The following GLT1D1 variants were observed in gnomAD, a reference collection of about 807,000 sequenced individuals.
The protein encoded by GLT1D1 is glycosyltransferase 1 domain-containing protein 1.
A neutral mutation model predicts 28.7 loss-of-function variants in GLT1D1; 21 were observed. The ratio of observed to expected loss-of-function variants is 0.73; its 90% CI spans 0.52 to 1.05. The LOEUF is 1.05. GLT1D1 is among the 50% of genes least tolerant of loss of function. The pLI, the probability that GLT1D1 is intolerant of heterozygous loss-of-function variation, is 0.00. For synonymous variants in GLT1D1, 147 were observed against 124.8 expected (o/e 1.18, Z -1.19); for missense variants, 343 against 330.6 (o/e 1.04, Z -0.29).
chr12:128,914,803 G>A (rs1254008798), intron 4 of GLT1D1, 130 bp from the exon 6 acceptor site: 3 of 683,550 alleles, frequency 4.4e-6, no homozygotes, highest in Non-Finnish European at 4.9e-6. Flanking sequence ...CTGGGTGACA[G>A]AGCGAGACTC....
At chr12:128,917,331 T>C (rs1872202509) in intron 4 of GLT1D1, among the ~76,000 whole-genome samples, 1 of 152,172 alleles carries the variant, frequency 6.6e-6, no homozygotes. Flanking sequence ...AACTCATCAA[T>C]TTCTGTAAAA....
intron 2 of GLT1D1, among the ~76,000 whole-genome samples, chr12:128,888,387 A>C (rs962484540): frequency 2.0e-5 from 3 of 152,134 alleles, no homozygotes; most frequent in Non-Finnish European, 2.9e-5. Flanking sequence ...TTATTTGCTA[A>C]AGTTTAAAAT....
At position 128,862,405 on chromosome 12, in the gene GLT1D1, C is replaced by T. The variant is rs1956405112; in HGVS notation, c.68+8756C>T. Among the ~76,000 whole-genome samples, 4 of 151,614 alleles carry T rather than the reference C, an allele frequency of 2.6e-5. No homozygotes were observed. The South Asian group carries it at 8.3e-4, about 31-fold the overall frequency. The stretch of plus-strand genomic sequence containing the variant: ...GCGCTGTGGCTCACTCTTGTAATCC[C>T]AACACGTTGGGAGGCTGAGGCAGGC... On this transcript the variant is annotated intron_variant, in intron 1 of 7. Transcript: ENST00000281703.
intron 4 of GLT1D1, among the ~76,000 whole-genome samples, chr12:128,941,368 C>T (rs561249854): frequency 6.6e-6 from 1 of 152,252 alleles, no homozygotes; most frequent in South Asian, 2.1e-4. Context: ...CAAAATCCTT[C>T]TGCATCATTT....
intron 1 of GLT1D1, among the ~76,000 whole-genome samples, chr12:128,853,925 G>T (rs1956138915): frequency 6.6e-6 from 1 of 152,196 alleles, no homozygotes; most frequent in Non-Finnish European, 1.5e-5. Context: ...CCCGGAGCCT[G>T]TCGTGGAGGG....
chr12:128,978,751 C>T (rs545111565), intron 7 of GLT1D1, among the ~76,000 whole-genome samples: 4 of 152,156 alleles, frequency 2.6e-5, no homozygotes, highest in Admixed American at 6.5e-5. Flanking sequence ...GACAGAGCAC[C>T]GTGAGGGCCG....
chr12:128,889,547 A>G (rs939829772), intron 3 of GLT1D1, among the ~76,000 whole-genome samples: 2 of 152,106 alleles, frequency 1.3e-5, no homozygotes, highest in African/African-American at 4.8e-5. Context: ...CTATAATTCT[A>G]ATGCCCCCAG....
chr12:128,961,351 G>A (rs1367555855), intron 7 of GLT1D1, among the ~76,000 whole-genome samples: 2 of 152,170 alleles, frequency 1.3e-5, no homozygotes, highest in East Asian at 3.9e-4. Context: ...TCAGCATATG[G>A]ACCTGCACCC....
At chr12:128,925,029 A>C (rs1375017193) in intron 4 of GLT1D1, among the ~76,000 whole-genome samples, 1 of 145,182 alleles carries the variant, frequency 6.9e-6, no homozygotes, top group Non-Finnish European at 1.6e-5. Flanking sequence ...TTCATAAATA[A>C]ATTGTTTTTT....
rs577898652 is a variant in GLT1D1, at chr12:128,915,070, G to A, written c.375+15783G>A. 15 of 1,164,444 alleles carry A rather than the reference G, an allele frequency of 1.3e-5. No individual in the cohort carries two copies. The East Asian group carries it at 2.1e-4, about 16-fold the overall frequency. 72.1% of individuals were successfully genotyped at this position (1,164,444 alleles called of 1,614,324 possible). On this transcript the variant is annotated intron_variant, in intron 4 of 7. Transcript: ENST00000281703. ...TTCAGGAGCTTGTGACGTTCATGCGGTTTTGAAAAAGTGGTTGTCAGAGAG... is the reference window on the plus strand; with the variant it reads ...TTCAGGAGCTTGTGACGTTCATGCGATTTTGAAAAAGTGGTTGTCAGAGAG...
intron 4 of GLT1D1, among the ~76,000 whole-genome samples, chr12:128,913,824 T>C (rs1489720639): frequency 6.6e-6 from 1 of 152,214 alleles, no homozygotes; most frequent in Non-Finnish European, 1.5e-5. Context: ...ACCTCCACCC[T>C]GCGCATTTTG....
intron 3 of GLT1D1, among the ~76,000 whole-genome samples, chr12:128,893,767 G>A (rs1046714679): frequency 4.6e-5 from 7 of 151,982 alleles, no homozygotes; most frequent in African/African-American, 7.2e-5. Context: ...TGTATTTTTA[G>A]TGAAGATGGA....
At chr12:128,941,483 C>A (rs1875227703) in intron 4 of GLT1D1, among the ~76,000 whole-genome samples, 1 of 152,060 alleles carries the variant, frequency 6.6e-6, no homozygotes, top group African/African-American at 2.4e-5. Context: ...TCACTCACCA[C>A]ACTCAGGTGT....
intron 7 of GLT1D1, among the ~76,000 whole-genome samples, chr12:128,977,960 T>A (rs1436159467): frequency 6.6e-6 from 1 of 151,760 alleles, no homozygotes; most frequent in African/African-American, 2.4e-5. Context: ...TTTTTTTGTA[T>A]TTTTGGTAGA....
chr12:128,857,899 C>A (rs1272095803), intron 1 of GLT1D1, among the ~76,000 whole-genome samples: 1 of 152,206 alleles, frequency 6.6e-6, no homozygotes, highest in Non-Finnish European at 1.5e-5. Context: ...ACAGAATCCT[C>A]TGGGGACATA....
intron 2 of GLT1D1, among the ~76,000 whole-genome samples, chr12:128,882,203 T>G (rs974163424): frequency 3.9e-5 from 6 of 151,952 alleles, no homozygotes; most frequent in African/African-American, 1.5e-4. Context: ...CTAAGTAGAA[T>G]ATGCAAATAA....
rs369304204 is a variant in GLT1D1, at chr12:128,973,348, ATT to A, written c.640-9565_640-9564del. On this transcript the variant is annotated intron_variant, in intron 7 of 7. Coordinates refer to ENST00000281703, the MANE Select transcript of GLT1D1 (RefSeq NM_144669.3). ...CAGGCATGTGCCACCACACCTGGCTATTTTTTTTTTTTTTTTTGTATTTTTGT... is the reference window on the plus strand; with the variant it reads ...CAGGCATGTGCCACCACACCTGGCTATTTTTTTTTTTTTTTGTATTTTTGT... Among the ~76,000 whole-genome samples the A allele has an allele frequency of 7.1e-3, 846 of 118,826 alleles. 11 individuals carry two copies. Among genetic ancestry groups the A allele is most frequent in the African/African-American group, 0.026 (799 of 31,006 alleles). 78.0% of individuals were successfully genotyped at this position (118,826 alleles called of 152,430 possible).
At chr12:128,944,984 C>G (rs1243407838) in intron 4 of GLT1D1, 7 of 573,498 alleles carry the variant, frequency 1.2e-5, no homozygotes, top group Non-Finnish European at 2.2e-5. Flanking sequence ...GTGTGATGTT[C>G]CCCTCCCTGT....
intron 7 of GLT1D1, among the ~76,000 whole-genome samples, chr12:128,974,358 C>G (rs910989789): frequency 6.6e-6 from 1 of 152,118 alleles, no homozygotes; most frequent in Non-Finnish European, 1.5e-5. Context: ...TTGAGCCACA[C>G]TAACCCTGCA....
Sources: gnomAD v4.1 joint callset for allele counts (sites outside exome capture counted in the v4.1 genomes callset) on GRCh38, gnomAD v4.1.1 for gene constraint, MANE v1.5 for transcripts, NCBI Gene and HGNC (gene_info 2026-07-23, HGNC 2026-07-21) for gene names.